The following LHFPL3 variants were observed in gnomAD, a reference collection of about 807,000 sequenced individuals.
LHFPL3 encodes LHFPL tetraspan subfamily member 3 protein.
In LHFPL3, 5 loss-of-function variants were observed where a neutral mutation model predicts 19.3. The ratio of observed to expected loss-of-function variants is 0.26; its 90% CI spans 0.14 to 0.54. The LOEUF is 0.54. Among genes scored for constraint, LHFPL3 ranks in the 20% least tolerant of loss-of-function variants. LHFPL3 has a pLI of 0.94. For synonymous variants in LHFPL3, 133 were observed against 126.2 expected (o/e 1.05, Z -0.36); for missense variants, 249 against 307.4 (o/e 0.81, Z 1.42).
chr7:104,434,863 A>G (rs989033780), intron 1 of LHFPL3, among the ~76,000 whole-genome samples: 2 of 152,154 alleles, frequency 1.3e-5, no homozygotes, highest in African/African-American at 4.8e-5. Context: ...TTAAAAACCT[A>G]TTGATATTAA....
At chr7:104,391,699 T>C (rs1230531723) in intron 1 of LHFPL3, among the ~76,000 whole-genome samples, 1 of 152,216 alleles carries the variant, frequency 6.6e-6, no homozygotes, top group Non-Finnish European at 1.5e-5. Context: ...AACTTTAAAG[T>C]AGTTTTTTCC....
At chr7:104,823,293 A>C (rs947228393) in intron 2 of LHFPL3, among the ~76,000 whole-genome samples, 2 of 152,226 alleles carry the variant, frequency 1.3e-5, no homozygotes, top group African/African-American at 4.8e-5. Flanking sequence ...TTCTAGGCCC[A>C]GTCCTGCTGT....
At chr7:104,813,598 TGTGA>T (rs1218336332) in intron 2 of LHFPL3, among the ~76,000 whole-genome samples, 2 of 152,074 alleles carry the variant, frequency 1.3e-5, no homozygotes, top group African/African-American at 4.8e-5. Context: ...GCGAGAGGTG[TGTGA>T]GTGAGTGTAG....
At chr7:104,597,131 G>A (rs961824464) in intron 1 of LHFPL3, among the ~76,000 whole-genome samples, 1 of 152,130 alleles carries the variant, frequency 6.6e-6, no homozygotes, top group Admixed American at 6.5e-5. Flanking sequence ...TCATAATGAT[G>A]TAACAACAAT....
chr7:104,552,214 G>C (rs1427242975), intron 1 of LHFPL3, among the ~76,000 whole-genome samples: 1 of 152,200 alleles, frequency 6.6e-6, no homozygotes, highest in Non-Finnish European at 1.5e-5. Context: ...AACCAAGTGA[G>C]CAAGGCATGA....
intron 2 of LHFPL3, among the ~76,000 whole-genome samples, chr7:104,841,878 A>C (rs1791217365): frequency 6.6e-6 from 1 of 152,092 alleles, no homozygotes; most frequent in East Asian, 1.9e-4. Context: ...AGGAGGTCTC[A>C]GGGCAAATAA....
chr7:104,748,318 C>T (rs984547185), intron 2 of LHFPL3, among the ~76,000 whole-genome samples: 19 of 150,912 alleles, frequency 1.3e-4, no homozygotes, highest in African/African-American at 3.7e-4. Flanking sequence ...AAGACCTGAC[C>T]GTCCCCCAGC....
At chr7:104,670,391 T>A (rs183121476) in intron 1 of LHFPL3, among the ~76,000 whole-genome samples, 211 of 152,272 alleles carry the variant, frequency 1.4e-3, no homozygotes, top group African/African-American at 4.9e-3. Flanking sequence ...TGTGTCCTAG[T>A]TTTACCCTTT....
At chr7:104,501,356 A>T (rs1364913186) in intron 1 of LHFPL3, among the ~76,000 whole-genome samples, 1 of 152,252 alleles carries the variant, frequency 6.6e-6, no homozygotes, top group Admixed American at 6.5e-5. Context: ...CAGTCAACTG[A>T]ACAGCTGCAG....
intron 1 of LHFPL3, among the ~76,000 whole-genome samples, chr7:104,625,809 T>A (rs1029086155): frequency 6.6e-6 from 1 of 152,234 alleles, no homozygotes; most frequent in Non-Finnish European, 1.5e-5. Context: ...GGGTCTTTTA[T>A]GCACTGAATA....
chr7:104,493,247 G>A (rs569749469), intron 1 of LHFPL3, among the ~76,000 whole-genome samples: 1 of 152,168 alleles, frequency 6.6e-6, no homozygotes, highest in South Asian at 2.1e-4. Context: ...CTTGGACACA[G>A]TGCTTTCCTA....
chr7:104,600,603 G>T (rs1449448245), intron 1 of LHFPL3, among the ~76,000 whole-genome samples: 1 of 152,186 alleles, frequency 6.6e-6, no homozygotes, highest in Non-Finnish European at 1.5e-5. Flanking sequence ...GAGTGAAGAA[G>T]TAGATTATGT....
intron 1 of LHFPL3, among the ~76,000 whole-genome samples, chr7:104,519,145 C>T (rs1250505095): frequency 6.6e-6 from 1 of 152,110 alleles, no homozygotes; most frequent in Non-Finnish European, 1.5e-5. Context: ...CAATCACTTA[C>T]TCTTCCCAAA....
intron 1 of LHFPL3, among the ~76,000 whole-genome samples, chr7:104,683,890 G>GA (rs1396257359): frequency 6.6e-6 from 1 of 152,110 alleles, no homozygotes; most frequent in Non-Finnish European, 1.5e-5. Context: ...CAATTTTGGG[G>GA]AGTTGGTTTG....
At chr7:104,772,044 C>T (rs1584525942) in intron 2 of LHFPL3, among the ~76,000 whole-genome samples, 1 of 151,982 alleles carries the variant, frequency 6.6e-6, no homozygotes, top group African/African-American at 2.4e-5. Context: ...TGGTCTCGAT[C>T]TCTTGACCTC....
At chr7:104,633,851 A>G (rs1791685058) in intron 1 of LHFPL3, among the ~76,000 whole-genome samples, 1 of 152,214 alleles carries the variant, frequency 6.6e-6, no homozygotes. Context: ...ATATTTCAAT[A>G]TGAGGTATTC....
At chr7:104,714,516 G>GA (rs1562971261) in intron 1 of LHFPL3, among the ~76,000 whole-genome samples, 1 of 144,750 alleles carries the variant, frequency 6.9e-6, no homozygotes, top group Non-Finnish European at 1.5e-5. Flanking sequence ...ACAAGTCTGG[G>GA]TTTTTTTTTT....
intron 1 of LHFPL3, among the ~76,000 whole-genome samples, chr7:104,337,227 T>C (rs968716311): frequency 1.3e-5 from 2 of 152,014 alleles, no homozygotes; most frequent in African/African-American, 4.8e-5. Flanking sequence ...AATCCAGCTG[T>C]GAAGAATGGC....
intron 1 of LHFPL3, among the ~76,000 whole-genome samples, chr7:104,588,297 G>A (rs1201394026): frequency 6.6e-6 from 1 of 152,120 alleles, no homozygotes; most frequent in African/African-American, 2.4e-5. Flanking sequence ...TTTTGTATAA[G>A]GTGTAAGGAA....
Sources: gnomAD v4.1 joint callset for allele counts (sites outside exome capture counted in the v4.1 genomes callset) on GRCh38, gnomAD v4.1.1 for gene constraint, MANE v1.5 for transcripts, NCBI Gene and HGNC (gene_info 2026-07-23, HGNC 2026-07-21) for gene names.